The following SEPTIN10 variants were observed in gnomAD, a reference collection of about 807,000 sequenced individuals.
SEPTIN10 encodes the protein septin-10.
Under a neutral mutation model 54.8 loss-of-function variants are expected in SEPTIN10, and 66 were observed. The ratio of observed to expected loss-of-function variants is 1.21; its 90% confidence interval spans 0.99 to 1.48. The LOEUF (loss-of-function observed/expected upper bound fraction) is 1.48, where lower values mean the gene tolerates loss of function less well. SEPTIN10 is among the 40% of genes most tolerant of loss of function. The pLI, the probability that SEPTIN10 is intolerant of heterozygous loss-of-function variation, is 0.00. For synonymous variants in SEPTIN10, 161 were observed against 181.0 expected, an observed-to-expected ratio of 0.89 and a Z score of 0.89; for missense variants, 620 against 545.6, an observed-to-expected ratio of 1.14 and a Z score of -1.36.
intron 1 of SEPTIN10, among the ~76,000 whole-genome samples, chr2:109,599,743 TAA>T (rs576933448): frequency 9.9e-5 from 15 of 152,268 alleles, no homozygotes; most frequent in Non-Finnish European, 1.2e-4. Context: ...ATAAAAGAGT[TAA>T]GAGTCTCAAG....
intron 2 of SEPTIN10, among the ~76,000 whole-genome samples, chr2:109,590,056 G>GTA (rs1302202109): frequency 4.8e-4 from 70 of 145,010 alleles, no homozygotes; most frequent in Non-Finnish European, 5.4e-4. Context: ...ATATGTGTGT[G>GTA]TATATATATA....
At chr2:109,596,046 T>G (rs1695232404) in intron 1 of SEPTIN10, among the ~76,000 whole-genome samples, 1 of 152,180 alleles carries the variant, frequency 6.6e-6, no homozygotes, top group Non-Finnish European at 1.5e-5. Context: ...TTTATTTTAT[T>G]TTAGAGAAAA....
rs532745293 is a variant in SEPTIN10, at chr2:109,610,418, T to TA, written c.30+3379dup. Among the ~76,000 whole-genome samples, 115 of 150,630 alleles carry TA rather than the reference T, an allele frequency of 7.6e-4. 1 individual carries two copies. The highest frequency in any genetic ancestry group is 6.7e-3 in the Admixed American group (101 of 15,110). On this transcript the variant is annotated intron_variant, in intron 1 of 10. Coordinates refer to ENST00000397712, the MANE Select transcript of SEPTIN10 (RefSeq NM_144710.5). The stretch of plus-strand genomic sequence containing the variant: ...CCTGAATTTTAATATCCTCTTCTAT[T>TA]AAAAAAAAGGTCTGGGCCGGGCATG...
At chr2:109,590,037 C>T (rs1048124923) in intron 2 of SEPTIN10, among the ~76,000 whole-genome samples, 6 of 146,844 alleles carry the variant, frequency 4.1e-5, no homozygotes, top group African/African-American at 1.3e-4. Context: ...CACATATATA[C>T]ACACATATAT....
intron 9 of SEPTIN10, among the ~76,000 whole-genome samples, chr2:109,548,972 CAG>C (rs1389350995): frequency 2.6e-5 from 4 of 152,124 alleles, no homozygotes; most frequent in Non-Finnish European, 5.9e-5. Context: ...AAGGTTAAAA[CAG>C]ATAATCGATT....
At chr2:109,596,572 G>A (rs1695361515) in intron 1 of SEPTIN10, among the ~76,000 whole-genome samples, 2 of 151,356 alleles carry the variant, frequency 1.3e-5, no homozygotes, top group Admixed American at 6.6e-5. Flanking sequence ...AGCAGAGATC[G>A]CGCCGCTGCA....
intron 5 of SEPTIN10, among the ~76,000 whole-genome samples, chr2:109,574,189 A>G (rs1689041260): frequency 6.6e-6 from 1 of 152,106 alleles, no homozygotes; most frequent in African/African-American, 2.4e-5. Flanking sequence ...CTGTAGTTCT[A>G]GCACTTCAAG....
In SEPTIN10 at chr2:109,613,889, G is replaced by A; in HGVS notation, c.-62C>T. The A allele has an allele frequency of 1.6e-6, 2 of 1,229,622 alleles. No homozygotes were observed. The highest frequency in any genetic ancestry group is 2.0e-6 in the Non-Finnish European group (2 of 986,872). The allele number at this position is 1,229,622 out of a possible 1,614,324, so 76.2% of individuals were successfully genotyped here. On this transcript the variant is annotated 5_prime_UTR_variant, in exon 1 of 11. Coordinates refer to ENST00000397712, the MANE Select transcript of SEPTIN10 (RefSeq NM_144710.5). ...GCCCGGCCCCGAGCGGCTGGTCCCG[G>A]CGACGGCGGCGGGAAGGCCGGAGGG...
In SEPTIN10 at chr2:109,567,814, C is replaced by T; in HGVS notation, c.762+1G>A. The T allele has an allele frequency of 6.3e-7, 1 of 1,576,848 alleles. No homozygotes were observed. The highest frequency in any genetic ancestry group is 8.6e-7 in the Non-Finnish European group (1 of 1,163,052). ...GAATTAACATTCAATCAGGAGCTCA[C>T]ATTCATTGCAGCGTTGACCTTAGCA... On this transcript the variant is annotated splice_donor_variant, in intron 6 of 10. Coordinates refer to ENST00000397712, the MANE Select transcript of SEPTIN10 (RefSeq NM_144710.5). LOFTEE classifies it high-confidence loss of function.
intron 1 of SEPTIN10, among the ~76,000 whole-genome samples, chr2:109,610,485 C>A (rs991029264): frequency 6.6e-6 from 1 of 152,088 alleles, no homozygotes; most frequent in Non-Finnish European, 1.5e-5. Flanking sequence ...GAGACTGAGA[C>A]GGGTGGATCA....
intron 8 of SEPTIN10, among the ~76,000 whole-genome samples, chr2:109,562,086 G>GC (rs1685786455): frequency 6.6e-6 from 1 of 151,898 alleles, no homozygotes; most frequent in African/African-American, 2.4e-5. Context: ...GGTGGTGCAT[G>GC]CCTATAGTCC....
chr2:109,608,474 T>C (rs1213690817), intron 1 of SEPTIN10, among the ~76,000 whole-genome samples: 1 of 152,222 alleles, frequency 6.6e-6, no homozygotes, highest in Non-Finnish European at 1.5e-5. Flanking sequence ...AATCAGAGAA[T>C]AGCCACATTT....
Position 109,587,837 on chromosome 2 carries a change from T to C in SEPTIN10, c.100-1999A>G, listed in dbSNP as rs189238744. On this transcript the variant is annotated intron_variant, in intron 2 of 10. Transcript: ENST00000397712. ...CTGAGGCAGGAGAATCGCTTGAACC[T>C]GGGAGGTGGAGGTTGCAGTGAGCTG... 3.4e-3 allele frequency among the ~76,000 whole-genome samples: 520 copies of C among 151,276 alleles called. 4 individuals carry two copies. The highest frequency in any genetic ancestry group is 0.01 in the African/African-American group (424 of 41,194).
In SEPTIN10 at chr2:109,553,362, T is replaced by C. The variant is rs564206343; in HGVS notation, c.1029-143A>G. On this transcript the variant is annotated intron_variant, in intron 8 of 10. Coordinates refer to ENST00000397712, the MANE Select transcript of SEPTIN10 (RefSeq NM_144710.5). ...GAGTCCAAGACCAGCCTGGCCAACA[T>C]AGTGAAACCCTGTCTCTACAAAAAT... 2.8e-3 allele frequency: 1,951 copies of C among 702,196 alleles called. 10 individuals are homozygous for C. The highest frequency in any genetic ancestry group is 3.4e-3 in the Non-Finnish European group (1,472 of 431,728). The allele number at this position is 702,196 out of a possible 1,614,324, so 43.5% of individuals were successfully genotyped here. A position where few individuals can be genotyped will look rare whatever the true frequency, so the allele number is the denominator to read the frequency against.
intron 5 of SEPTIN10, among the ~76,000 whole-genome samples, chr2:109,571,833 C>T (rs1052513704): frequency 1.3e-5 from 2 of 152,192 alleles, no homozygotes; most frequent in African/African-American, 4.8e-5. Context: ...TGCTCATTAG[C>T]TCTTCCATTT....
At chr2:109,600,874 C>T (rs1696457285) in intron 1 of SEPTIN10, among the ~76,000 whole-genome samples, 1 of 152,216 alleles carries the variant, frequency 6.6e-6, no homozygotes, top group Non-Finnish European at 1.5e-5. Context: ...TGTTCATTTG[C>T]TCCATTTACC....
chr2:109,593,709 A>G (rs775940587), intron 1 of SEPTIN10, among the ~76,000 whole-genome samples: 1 of 151,898 alleles, frequency 6.6e-6, no homozygotes, highest in Non-Finnish European at 1.5e-5. Flanking sequence ...TGGCCTTTTC[A>G]TTTTTAAAGA....
chr2:109,602,105 G>A (rs1696719569), intron 1 of SEPTIN10, among the ~76,000 whole-genome samples: 1 of 152,176 alleles, frequency 6.6e-6, no homozygotes, highest in Admixed American at 6.5e-5. Context: ...GGTTCCAACA[G>A]CGGCACAGTA....
chr2:109,606,171 C>T (rs1443759412), intron 1 of SEPTIN10, among the ~76,000 whole-genome samples: 1 of 152,158 alleles, frequency 6.6e-6, no homozygotes, highest in African/African-American at 2.4e-5. Flanking sequence ...AATCCCAGCA[C>T]TTTGGGAGAC....
Sources: gnomAD v4.1 joint callset for allele counts (sites outside exome capture counted in the v4.1 genomes callset) on GRCh38, gnomAD v4.1.1 for gene constraint, MANE v1.5 for transcripts, NCBI Gene and HGNC (gene_info 2026-07-23, HGNC 2026-07-21) for gene names.